The following PITRM1 variants were observed in gnomAD, a reference collection of about 807,000 sequenced individuals.
The protein encoded by PITRM1 is pitrilysin metallopeptidase 1, also known as presequence protease, mitochondrial.
A neutral mutation model predicts 129.9 loss-of-function variants in PITRM1; 100 were observed. The observed-to-expected ratio is 0.77, with a 90% CI of 0.65 to 0.91. PITRM1 has a LOEUF of 0.91. Ranked by LOEUF, PITRM1 falls within the 40% of genes least tolerant of loss-of-function variation. The pLI is 0.00. For missense variants in PITRM1, 1,471 were observed against 1,318.3 expected (o/e 1.12, Z -1.79); for synonymous variants, 591 against 508.8 (o/e 1.16, Z -2.17).
Position 3,155,622 on chromosome 10 carries a change from G to C in PITRM1, c.1590C>G (p.Ser530=). 6.2e-7 allele frequency: 1 copy of C among 1,613,898 alleles called. No homozygotes were observed. Among genetic ancestry groups the C allele is most frequent in the Non-Finnish European group, 8.5e-7 (1 of 1,179,878 alleles). The change falls in exon 14 of 27, where the codon TCC becomes TCG. Residue 530 remains serine, a synonymous_variant. Coordinates refer to ENST00000224949, the MANE Select transcript of PITRM1 (RefSeq NM_014889.4). ...CGTAGATCTGCTGCCTGTCTCCGGG[G>C]GACAGAGCCTCGACCTTCTGCTTGA... ...TKLKQKVEAL[S]PGDRQQIYEK... is the part of the protein sequence containing the mutation.
chr10:3,159,811 T>A (rs371053357), intron 9 of PITRM1, 37 bp downstream of exon 9: 9 of 1,253,036 alleles, frequency 7.2e-6, no homozygotes, highest in Non-Finnish European at 9.2e-6. Flanking sequence ...TTTCCTCATG[T>A]TTTTGTCTTG....
At chr10:3,166,692 G>A (rs1842894164) in intron 3 of PITRM1, among the ~76,000 whole-genome samples, 1 of 152,172 alleles carries the variant, frequency 6.6e-6, no homozygotes, top group South Asian at 2.1e-4. Flanking sequence ...CCCGCAGCCT[G>A]CAGCCCGCAT....
In PITRM1 at chr10:3,158,190, G is replaced by A. The variant is rs768340173; in HGVS notation, c.1137-37C>T. Reference sequence around the variant, plus strand: ...AACCAGAAATGATGCACTGGAATCCGGGCACGTTCATCATGCCCTCGTAAT... The same window carrying A: ...AACCAGAAATGATGCACTGGAATCCAGGCACGTTCATCATGCCCTCGTAAT... On this transcript the variant is annotated intron_variant, in intron 10 of 26. Transcript: ENST00000224949. The A allele has an allele frequency of 3.8e-5, 46 of 1,212,392 alleles. No homozygotes were observed. In the East Asian group the frequency reaches 6.3e-4, roughly 16 times the overall value. 75.1% of individuals were successfully genotyped at this position (1,212,392 alleles called of 1,614,324 possible). A position where few individuals can be genotyped will look rare whatever the true frequency, so the allele number is the denominator to read the frequency against.
At chr10:3,151,158 A>G (rs1177316527) in intron 15 of PITRM1, 89 bp downstream of exon 15, 1 of 762,544 alleles carries the variant, frequency 1.3e-6, no homozygotes, top group East Asian at 2.7e-5. Flanking sequence ...GAAAACCTCC[A>G]AGACATGACT....
intron 7 of PITRM1, among the ~76,000 whole-genome samples, chr10:3,161,605 C>A (rs1399095522): frequency 6.7e-6 from 1 of 150,162 alleles, no homozygotes; most frequent in Non-Finnish European, 1.5e-5. Context: ...CCACAGAAAT[C>A]AGAGCTCCCT....
chr10:3,166,721 T>G (rs1292060272), intron 3 of PITRM1, among the ~76,000 whole-genome samples: 5 of 152,194 alleles, frequency 3.3e-5, no homozygotes, highest in Admixed American at 6.5e-5. Flanking sequence ...TGGCTTGAAA[T>G]GCAGCCCAAC....
At chr10:3,169,556 T>C (rs1053278159) in intron 2 of PITRM1, among the ~76,000 whole-genome samples, 1 of 152,236 alleles carries the variant, frequency 6.6e-6, no homozygotes, top group Admixed American at 6.5e-5. Flanking sequence ...ATGAAGCGTG[T>C]CATTTTCAGT....
rs557027173 is a variant in PITRM1 at position 3,141,679 on chromosome 10, T to C, written c.2646-867A>G. 242 of 470,682 alleles carry C rather than the reference T, an allele frequency of 5.1e-4. 4 individuals are homozygous for C. Among genetic ancestry groups the C allele is most frequent in the South Asian group, 2.8e-3 (179 of 64,498 alleles). 29.2% of individuals were successfully genotyped at this position (470,682 alleles called of 1,614,324 possible). A position where few individuals can be genotyped will look rare whatever the true frequency, so the allele number is the denominator to read the frequency against. ...GGTCTGCAGCACAGACACAGGCTCC[T>C]TGAAGACGCCCGTGGTGAGATCAGC... On this transcript the variant is annotated intron_variant, in intron 23 of 26. Coordinates refer to ENST00000224949, the MANE Select transcript of PITRM1 (RefSeq NM_014889.4).
chr10:3,143,383 TCCTA>T lies in PITRM1; in HGVS notation c.2645+2_2645+5del. On this transcript the variant is annotated splice_donor_variant and splice_donor_5th_base_variant and intron_variant, in intron 23 of 26. Transcript: ENST00000224949. LOFTEE classifies it high-confidence loss of function. ...GCCTGAGAGGTCCCGACCTACACCCTCCTACCTGGCATGATCTGGGTCCGTGTAG... is the reference window on the plus strand; with the variant it reads ...GCCTGAGAGGTCCCGACCTACACCCTCCTGGCATGATCTGGGTCCGTGTAG... 1 of 1,577,868 alleles carries T rather than the reference TCCTA, an allele frequency of 6.3e-7. No individual in the cohort carries two copies. Among genetic ancestry groups the T allele is most frequent in the South Asian group, 1.1e-5 (1 of 90,398 alleles).
At chr10:3,143,246 G>A (rs754624648) in intron 23 of PITRM1, 143 bp downstream of exon 23, 46 of 619,824 alleles carry the variant, frequency 7.4e-5, no homozygotes, top group Non-Finnish European at 1.1e-4. Flanking sequence ...AGGAGCACTC[G>A]TAGACTCACA....
rs531351072 is a variant in PITRM1 at position 3,138,941 on chromosome 10, G to C, written c.2880C>G (p.Phe960Leu). 7 of 1,613,968 alleles carry C rather than the reference G, an allele frequency of 4.3e-6. No individual in the cohort carries two copies. The Admixed American group carries it at 1.2e-4, about 27-fold the overall frequency. The change falls in exon 25 of 27, where the codon TTC becomes TTG. Residue 960 changes from phenylalanine (F) to leucine (L), a missense_variant. Coordinates refer to ENST00000224949, the MANE Select transcript of PITRM1 (RefSeq NM_014889.4). ...GAGCGACAGGAGCATCTACGGTTGAGAAGACAGAAAGTTTGGCTTCGTCGA... is the reference window on the plus strand; with the variant it reads ...GAGCGACAGGAGCATCTACGGTTGACAAGACAGAAAGTTTGGCTTCGTCGA... ...QDIDEAKLSV[F>L]STVDAPVAPS...
chr10:3,172,253 G>A, intron 1 of PITRM1: 1 of 459,890 alleles, frequency 2.2e-6, no homozygotes, highest in Non-Finnish European at 4.4e-6. Context: ...CCCATAAATT[G>A]AGTCATTAAA....
intron 6 of PITRM1, 95 bp from the exon 7 acceptor site, chr10:3,163,980 C>A: frequency 2.8e-6 from 2 of 721,734 alleles, no homozygotes. Context: ...CATTCTGGTG[C>A]ATACACCTGT....
chr10:3,147,921 T>G (rs892366511), intron 18 of PITRM1, 66 bp downstream of exon 18: 24 of 1,331,472 alleles, frequency 1.8e-5, no homozygotes, highest in Non-Finnish European at 2.6e-5. Flanking sequence ...CTGTCTCCTT[T>G]AAAGTACTTC....
Position 3,156,990 on chromosome 10 carries a change from G to A in PITRM1, c.1422C>T (p.Phe474=). The change falls in exon 13 of 27, where the codon TTC becomes TTT. Residue 474 remains phenylalanine, a synonymous_variant. Transcript: ENST00000224949. ...LLKLGNQLAK[F]RQCLQENPKF... ...TTGGATTTTCCTGCAGGCACTGTCT[G>A]AATTTAGCTAACTGATTTCCCAACT... 6.2e-7 allele frequency: 1 copy of A among 1,610,722 alleles called. No homozygotes were observed. Among genetic ancestry groups the A allele is most frequent in the East Asian group, 2.2e-5 (1 of 44,720 alleles).
At position 3,144,303 on chromosome 10, in the gene PITRM1, T is replaced by A. The variant is rs371622404; in HGVS notation, c.2521A>T (p.Lys841Ter). The change falls in exon 22 of 27, where the codon AAG (lysine) becomes TAG (stop). Residue 841 changes from lysine (K) to a stop codon, truncating the protein, a stop_gained. Coordinates refer to ENST00000224949, the MANE Select transcript of PITRM1 (RefSeq NM_014889.4). LOFTEE classifies it high-confidence loss of function. ...GCTGTGGTTCTTACCATGACCAGCT[T>A]CCTAATGACCTGGGAGCCATGGGGA... ...HVPHGSQVIR[K>*]LVMEPTFKPW... 4.5e-6 allele frequency: 7 copies of A among 1,556,754 alleles called. No individual in the cohort carries two copies. In the African/African-American group the frequency reaches 8.2e-5, roughly 18 times the overall value.
At chr10:3,159,962 T>A in intron 8 of PITRM1, 26 bp from the exon 9 acceptor site, 1 of 1,502,726 alleles carries the variant, frequency 6.7e-7, no homozygotes, top group Non-Finnish European at 9.2e-7. Flanking sequence ...ACGTTGTGAG[T>A]AGGCACAGTG....
At chr10:3,151,589 C>T (rs924935713) in intron 14 of PITRM1, among the ~76,000 whole-genome samples, 5 of 152,158 alleles carry the variant, frequency 3.3e-5, no homozygotes, top group Non-Finnish European at 7.4e-5. Flanking sequence ...TTCTCATTTT[C>T]AATTATTAAG....
rs374967739 is a variant in PITRM1, at chr10:3,138,032, C to T, written c.3113G>A (p.Ter1038=). Residue 1038 remains the stop codon, a stop_retained_variant, in exon 27 of 27, where the codon TGA becomes TAA. Coordinates refer to ENST00000224949, the MANE Select transcript of PITRM1 (RefSeq NM_014889.4). The part of the protein sequence containing the change: ...IAKDPSWIIQ[*] The stretch of plus-strand genomic sequence containing the variant: ...TGTGCAGTCGAGCGCCACGGCTGCT[C>T]ATTGGATGATCCAGGATGGGTCCTT... The T allele has an allele frequency of 5.9e-5, 94 of 1,594,794 alleles. 3 individuals carry two copies. In the African/African-American group the frequency reaches 7.1e-4, roughly 12 times the overall value.
Sources: gnomAD v4.1 joint callset for allele counts (sites outside exome capture counted in the v4.1 genomes callset) on GRCh38, gnomAD v4.1.1 for gene constraint, MANE v1.5 for transcripts, NCBI Gene and HGNC (gene_info 2026-07-23, HGNC 2026-07-21) for gene names.